Variants in ORC1 observed in about 807,000 individuals in gnomAD.
ORC1 encodes origin recognition complex, subunit 1 homolog.
A neutral mutation model predicts 98.9 loss-of-function variants in ORC1; 61 were observed. The ratio of observed to expected loss-of-function variants is 0.62; its 90% CI spans 0.50 to 0.76. The LOEUF (loss-of-function observed/expected upper bound fraction) is 0.76. Among genes scored for constraint, ORC1 ranks in the 30% least tolerant of loss-of-function variants. The pLI, the probability that ORC1 is intolerant of heterozygous loss-of-function variation, is 0.00. For synonymous variants in ORC1, 385 were observed against 406.9 expected (o/e 0.95, Z 0.65); for missense variants, 979 against 1,072.2 (o/e 0.91, Z 1.21).
At chr1:52,389,033 G>C (rs570904344) in intron 7 of ORC1, among the ~76,000 whole-genome samples, 184 bp downstream of exon 7, 3 of 152,266 alleles carry the variant, frequency 2.0e-5, no homozygotes, top group Admixed American at 2.0e-4. Flanking sequence ...CTAAGCCCAG[G>C]AAGTATTTCT....
Position 52,373,054 on chromosome 1 carries a change from C to A in ORC1, c.*127G>T. On this transcript the variant is annotated 3_prime_UTR_variant, in exon 17 of 17. Transcript: ENST00000371568. ...GGATGAGGTTGGGGGGTCACCTAAG[C>A]CTGAGAAGTCAAGGCTGCAGTGAGC... The A allele has an allele frequency of 2.0e-6, 2 of 1,002,394 alleles. No homozygotes were observed. Among genetic ancestry groups the A allele is most frequent in the Non-Finnish European group, 3.2e-6 (2 of 629,984 alleles). 62.1% of individuals were successfully genotyped at this position (1,002,394 alleles called of 1,614,324 possible).
chr1:52,403,204 A>G (rs1647815151), intron 1 of ORC1, among the ~76,000 whole-genome samples: 1 of 152,222 alleles, frequency 6.6e-6, no homozygotes, highest in East Asian at 1.9e-4. Flanking sequence ...TATTCAACCA[A>G]TATTTATTAA....
upstream of ORC1, chr1:52,408,344 A>G (rs1557591513): frequency 1.5e-6 from 1 of 667,768 alleles, no homozygotes; most frequent in South Asian, 1.5e-5. Context: ...AAAGTTGATC[A>G]ATATGTATGA....
At chr1:52,395,836 C>A (rs1408813370) in intron 5 of ORC1, among the ~76,000 whole-genome samples, 2 of 152,098 alleles carry the variant, frequency 1.3e-5, no homozygotes, top group African/African-American at 4.8e-5. Context: ...AACAAAAAAA[C>A]CCAGAAAATG....
Position 52,393,745 on chromosome 1 carries a change from T to C in ORC1, c.780A>G (p.Gly260=). 1.2e-6 allele frequency: 2 copies of C among 1,614,038 alleles called. No individual in the cohort carries two copies. Among genetic ancestry groups the C allele is most frequent in the Non-Finnish European group, 1.7e-6 (2 of 1,179,982 alleles). ...QTSCASLDSP[G]RIKRKVAFSE... ...AGAAGGCCACTTTCCGTTTTATTCTTCCTGGAGAATCCAAGGAGGCACATG... is the reference window on the plus strand; with the variant it reads ...AGAAGGCCACTTTCCGTTTTATTCTCCCTGGAGAATCCAAGGAGGCACATG... The change falls in exon 6 of 17, where the codon GGA becomes GGG. Residue 260 remains glycine (G), a synonymous_variant. Coordinates refer to ENST00000371568, the MANE Select transcript of ORC1 (RefSeq NM_004153.4).
chr1:52,388,311 CAA>C (rs1647169840), intron 8 of ORC1, 129 bp downstream of exon 8: 2 of 842,924 alleles, frequency 2.4e-6, no homozygotes, highest in South Asian at 2.7e-5. Flanking sequence ...GAATATTCCA[CAA>C]AGAATAGCAT....
intron 13 of ORC1, among the ~76,000 whole-genome samples, chr1:52,382,275 G>A (rs1048380789): frequency 3.3e-5 from 5 of 151,566 alleles, no homozygotes; most frequent in South Asian, 2.1e-4. Context: ...AACCACGCCC[G>A]GCCTAAACTG....
intron 5 of ORC1, 100 bp downstream of exon 5, chr1:52,395,946 C>T: frequency 6.4e-7 from 1 of 1,550,762 alleles, no homozygotes; most frequent in South Asian, 1.2e-5. Context: ...GGCTATAGTG[C>T]ACTGTGATCA....
At chr1:52,386,893 G>T (rs1647149966) in intron 8 of ORC1, among the ~76,000 whole-genome samples, 1 of 152,108 alleles carries the variant, frequency 6.6e-6, no homozygotes, top group African/African-American at 2.4e-5. Context: ...TGAGGCTACA[G>T]TGAGTTGAGA....
upstream of ORC1, chr1:52,404,433 A>T (rs986738633): frequency 4.2e-6 from 1 of 235,548 alleles, no homozygotes; most frequent in Non-Finnish European, 8.5e-6. Context: ...GAGAAAAGAA[A>T]ACTTCGCGCC....
intron 8 of ORC1, 48 bp downstream of exon 8, chr1:52,388,394 A>G: frequency 6.7e-7 from 1 of 1,491,000 alleles, no homozygotes. Context: ...TAACTTTTAA[A>G]CTAAGAGAGG....
upstream of ORC1, chr1:52,404,782 C>T (rs1188561174): frequency 6.2e-7 from 1 of 1,614,220 alleles, no homozygotes; most frequent in South Asian, 1.1e-5. Flanking sequence ...ATGCGCACAG[C>T]ATCCATGGCA....
At chr1:52,390,901 G>GAAAAAA (rs112674214) in intron 6 of ORC1, among the ~76,000 whole-genome samples, 5 of 77,438 alleles carry the variant, frequency 6.5e-5, no homozygotes, top group Non-Finnish European at 9.1e-5. Context: ...TCCAAAAAAA[G>GAAAAAA]AAAAAAAAAA....
At chr1:52,395,686 C>T (rs1032587063) in intron 5 of ORC1, among the ~76,000 whole-genome samples, 1 of 152,166 alleles carries the variant, frequency 6.6e-6, no homozygotes, top group Non-Finnish European at 1.5e-5. Flanking sequence ...CATAGTGGTA[C>T]ACACTTGTAG....
intron 14 of ORC1, among the ~76,000 whole-genome samples, chr1:52,380,231 T>C (rs187313636): frequency 1.1e-4 from 16 of 152,258 alleles, no homozygotes; most frequent in Admixed American, 2.0e-4. Flanking sequence ...GCAAATCTCA[T>C]AGTGAATAAG....
intron 2 of ORC1, 108 bp from the exon 3 acceptor site, chr1:52,401,597 T>C (rs185760630): frequency 3.8e-6 from 5 of 1,302,864 alleles, no homozygotes; most frequent in Non-Finnish European, 5.5e-6. Flanking sequence ...TTCTTTCTGC[T>C]GACCAACTCT....
intron 1 of ORC1, among the ~76,000 whole-genome samples, chr1:52,403,542 C>T (rs1331803284): frequency 1.3e-5 from 2 of 152,120 alleles, no homozygotes; most frequent in Non-Finnish European, 2.9e-5. Context: ...ACAGCAGAGA[C>T]GAGGGTACTA....
chr1:52,387,518 T>C (rs1647158080), intron 8 of ORC1, among the ~76,000 whole-genome samples: 1 of 152,182 alleles, frequency 6.6e-6, no homozygotes, highest in Non-Finnish European at 1.5e-5. Flanking sequence ...AGTGCTATGG[T>C]GCGATCTCAG....
At chr1:52,403,250 T>G (rs1350244152) in intron 1 of ORC1, among the ~76,000 whole-genome samples, 1 of 152,268 alleles carries the variant, frequency 6.6e-6, no homozygotes, top group Non-Finnish European at 1.5e-5. Flanking sequence ...TTTAGGATAA[T>G]GGAAGATTAA....
Sources: gnomAD v4.1 joint callset for allele counts (sites outside exome capture counted in the v4.1 genomes callset) on GRCh38, gnomAD v4.1.1 for gene constraint, MANE v1.5 for transcripts, NCBI Gene and HGNC (gene_info 2026-07-23, HGNC 2026-07-21) for gene names.